PCDH15: variants seen among roughly 807,000 people sequenced by gnomAD.
PCDH15 encodes protocadherin-15.
In PCDH15, 129 loss-of-function variants were observed where a neutral mutation model predicts 178.5. The observed-to-expected ratio is 0.72, with a 90% CI of 0.63 to 0.84. The LOEUF (loss-of-function observed/expected upper bound fraction) is 0.84. Among genes scored for constraint, PCDH15 ranks in the 40% least tolerant of loss-of-function variants. PCDH15 has a pLI of 0.00. For synonymous variants in PCDH15, 800 were observed against 732.0 expected, an observed-to-expected ratio of 1.09 and a Z score of -1.50; for missense variants, 2,230 against 2,099.9, an observed-to-expected ratio of 1.06 and a Z score of -1.21.
At chr10:54,431,342 T>G (rs1219863) in intron 3 of PCDH15, among the ~76,000 whole-genome samples, 7 of 151,968 alleles carry the variant, frequency 4.6e-5, no homozygotes, top group African/African-American at 1.7e-4. Context: ...ATAAATATCA[T>G]TGCAAAAATC....
intron 17 of PCDH15, among the ~76,000 whole-genome samples, chr10:54,073,749 A>G (rs1208252810): frequency 6.6e-6 from 1 of 152,196 alleles, no homozygotes; most frequent in African/African-American, 2.4e-5. Context: ...TGCTGAACAC[A>G]CGGAATCTGG....
At chr10:54,109,662 A>G (rs1229293495) in intron 15 of PCDH15, among the ~76,000 whole-genome samples, 1 of 152,164 alleles carries the variant, frequency 6.6e-6, no homozygotes, top group Non-Finnish European at 1.5e-5. Context: ...ATGAAGATAG[A>G]GAGTAGAGGG....
At chr10:54,006,919 G>A (rs2092404849) in intron 20 of PCDH15, among the ~76,000 whole-genome samples, 1 of 151,986 alleles carries the variant, frequency 6.6e-6, no homozygotes, top group African/African-American at 2.4e-5. Flanking sequence ...CACAACCAAG[G>A]GTCAATCTAG....
At chr10:54,140,506 G>C (rs1308059148) in intron 14 of PCDH15, among the ~76,000 whole-genome samples, 1 of 151,054 alleles carries the variant, frequency 6.6e-6, no homozygotes, top group Non-Finnish European at 1.5e-5. Flanking sequence ...GTCTTGCTCT[G>C]TTGCCAGGAT....
intron 2 of PCDH15, among the ~76,000 whole-genome samples, chr10:55,150,749 T>C (rs1415712480): frequency 6.6e-6 from 1 of 152,162 alleles, no homozygotes; most frequent in African/African-American, 2.4e-5. Flanking sequence ...TAAAAAATGT[T>C]AATCATCATT....
At chr10:54,303,148 T>C (rs1196903086) in intron 8 of PCDH15, among the ~76,000 whole-genome samples, 1 of 152,098 alleles carries the variant, frequency 6.6e-6, no homozygotes, top group Non-Finnish European at 1.5e-5. Flanking sequence ...GAGAGGAACT[T>C]CCACCACCTA....
intron 20 of PCDH15, among the ~76,000 whole-genome samples, chr10:54,008,847 G>A (rs1272139847): frequency 6.6e-6 from 1 of 152,004 alleles, no homozygotes; most frequent in Non-Finnish European, 1.5e-5. Context: ...TTTTTCACCT[G>A]GTCCAGAAGA....
intron 2 of PCDH15, among the ~76,000 whole-genome samples, chr10:54,572,251 G>A (rs939213325): frequency 4.6e-5 from 7 of 152,030 alleles, no homozygotes; most frequent in Non-Finnish European, 8.8e-5. Context: ...ATGTGTTAGG[G>A]TAAAGCAATT....
At chr10:54,943,979 T>C (rs1170375101) in intron 2 of PCDH15, among the ~76,000 whole-genome samples, 1 of 151,716 alleles carries the variant, frequency 6.6e-6, no homozygotes, top group Non-Finnish European at 1.5e-5. Context: ...CAACAGTAGG[T>C]AGTTTAGCCA....
chr10:54,274,722 T>A (rs1353868507), intron 8 of PCDH15, among the ~76,000 whole-genome samples: 1 of 151,684 alleles, frequency 6.6e-6, no homozygotes, highest in African/African-American at 2.4e-5. Flanking sequence ...ATTATGCAAT[T>A]TTTTATTTTT....
chr10:55,332,239 G>A (rs1389907778), intron 2 of PCDH15, among the ~76,000 whole-genome samples: 1 of 152,030 alleles, frequency 6.6e-6, no homozygotes, highest in Non-Finnish European at 1.5e-5. Context: ...CATTAAATAT[G>A]ATACTTTTGC....
intron 15 of PCDH15, among the ~76,000 whole-genome samples, chr10:54,128,117 T>G (rs2132985622): frequency 6.6e-6 from 1 of 152,214 alleles, no homozygotes; most frequent in South Asian, 2.1e-4. Context: ...GTTCTAGGAT[T>G]ACTGTGCTAG....
intron 3 of PCDH15, among the ~76,000 whole-genome samples, chr10:54,381,965 A>G (rs143226092): frequency 6.6e-6 from 1 of 152,260 alleles, no homozygotes; most frequent in African/African-American, 2.4e-5. Context: ...TCAGTACTAT[A>G]AGAGAAAAGG....
chr10:54,167,237 C>T (rs1038501080), intron 13 of PCDH15, among the ~76,000 whole-genome samples: 1 of 152,236 alleles, frequency 6.6e-6, no homozygotes, highest in East Asian at 1.9e-4. Context: ...GTCCTCAGAC[C>T]GACCAGCCCA....
chr10:54,062,546 A>G (rs1378232729), intron 18 of PCDH15, among the ~76,000 whole-genome samples: 1 of 152,134 alleles, frequency 6.6e-6, no homozygotes, highest in Non-Finnish European at 1.5e-5. Flanking sequence ...GTGCAGAATC[A>G]GTTAGATGCA....
chr10:54,321,706 T>C (rs1029267286), intron 7 of PCDH15, among the ~76,000 whole-genome samples: 3 of 151,940 alleles, frequency 2.0e-5, no homozygotes, highest in East Asian at 3.9e-4. Flanking sequence ...GTGTTAAAGA[T>C]AGTGTATTTA....
At chr10:55,602,624 G>A (rs531747262) in intron 2 of PCDH15, among the ~76,000 whole-genome samples, 3 of 152,200 alleles carry the variant, frequency 2.0e-5, no homozygotes, top group Admixed American at 2.0e-4. Context: ...CCCAGCAGGG[G>A]CACACTGACA....
At position 53,810,610 on chromosome 10, in the gene PCDH15, C is replaced by T. The variant is rs1361542673; in HGVS notation, c.4617G>A (p.Gln1539=). 1 of 1,613,874 alleles carries T rather than the reference C, an allele frequency of 6.2e-7. No individual in the cohort carries two copies. The highest frequency in any genetic ancestry group is 2.2e-5 in the East Asian group (1 of 44,864). ...SRRRLLPPAG[Q]EEYGEVVGEA... is the part of the protein sequence containing the mutation. Reference sequence around the variant, plus strand: ...CACCAACCACCTCACCATATTCCTCCTGTCCAGCTGGTGGTAACAATCGAC... The same window carrying T: ...CACCAACCACCTCACCATATTCCTCTTGTCCAGCTGGTGGTAACAATCGAC... Residue 1539 remains glutamine, a synonymous_variant, in exon 37 of 38, where the codon CAG becomes CAA. Transcript: ENST00000644397.
chr10:55,581,221 G>C (rs531509935), intron 2 of PCDH15, among the ~76,000 whole-genome samples: 3 of 152,168 alleles, frequency 2.0e-5, no homozygotes, highest in African/African-American at 7.2e-5. Flanking sequence ...ACTTGGTACT[G>C]TGTGAAATAA....
Sources: allele counts gnomAD v4.1 joint callset (sites outside exome capture counted in the v4.1 genomes callset), GRCh38; gene constraint gnomAD v4.1.1; transcripts MANE v1.5; gene names NCBI Gene and HGNC (gene_info 2026-07-23, HGNC 2026-07-21).